The following KCNH3 variants were observed in gnomAD, a reference collection of about 807,000 sequenced individuals.
The protein encoded by KCNH3 is potassium voltage-gated channel subfamily H member 3, also known as voltage-gated inwardly rectifying potassium channel KCNH3.
KCNH3 carries 36 observed loss-of-function variants against 95.6 expected under a neutral mutation model. The observed-to-expected ratio is 0.38, with a 90% CI of 0.29 to 0.50. The LOEUF (loss-of-function observed/expected upper bound fraction) is 0.50. Ranked by LOEUF, KCNH3 falls within the 20% of genes least tolerant of loss-of-function variation. KCNH3 has a pLI of 0.95. For synonymous variants in KCNH3, 620 were observed against 646.3 expected (o/e 0.96, Z 0.62); for missense variants, 1,030 against 1,484.1 (o/e 0.69, Z 5.03).
intron 7 of KCNH3, chr12:49,546,047 A>G (rs1413192657): frequency 6.6e-6 from 1 of 151,908 alleles, no homozygotes; most frequent in African/African-American, 2.4e-5. Context: ...TGAGACACCA[A>G]ATCCCTAGGT....
In KCNH3 at chr12:49,557,089, G is replaced by A. The variant is rs936845314; in HGVS notation, c.2576-94G>A. ...GATCCTAGGAGTCAGGTCCTACCAGGTCAATGTGCTCTAACTGGGGCAAGG... is the reference window on the plus strand; with the variant it reads ...GATCCTAGGAGTCAGGTCCTACCAGATCAATGTGCTCTAACTGGGGCAAGG... On this transcript the variant is annotated intron_variant, in intron 13 of 14. Coordinates refer to ENST00000257981, the MANE Select transcript of KCNH3 (RefSeq NM_012284.3). 2.7e-5 allele frequency: 33 copies of A among 1,215,816 alleles called. 1 individual carries two copies. The South Asian group carries it at 3.8e-4, about 14-fold the overall frequency. The allele number at this position is 1,215,816 out of a possible 1,614,324, so 75.3% of individuals were successfully genotyped here.
In KCNH3 at chr12:49,543,275, G is replaced by A. The variant is rs199585532; in HGVS notation, c.580G>A (p.Gly194Arg). The A allele has an allele frequency of 1.9e-6, 3 of 1,613,190 alleles. No individual in the cohort carries two copies. Among genetic ancestry groups the A allele is most frequent in the African/African-American group, 2.7e-5 (2 of 74,932 alleles). The change falls in exon 5 of 15, where the codon GGG becomes AGG. Residue 194 changes from glycine to arginine, a missense_variant and splice_region_variant. Around this residue, in one of 9 missense-constraint regions of KCNH3, gnomAD observed 92 missense variants for 92.7 expected, o/e 0.99. Transcript: ENST00000257981. Reference sequence around the variant, plus strand: ...CCTGGACCTGCCCTGCCTCACTCAGGGGGTGTTTGGGGAGAAACCAAACTT... The same window carrying A: ...CCTGGACCTGCCCTGCCTCACTCAGAGGGTGTTTGGGGAGAAACCAAACTT... ...QPKGKHKLNK[G>R]VFGEKPNLPE...
intron 7 of KCNH3, among the ~76,000 whole-genome samples, chr12:49,548,129 T>C (rs1210732906): frequency 1.5e-4 from 20 of 134,978 alleles, no homozygotes; most frequent in East Asian, 6.1e-4. Context: ...TGTGTGTGTG[T>C]GTGTGCGCGC....
At position 49,557,650 on chromosome 12, in the gene KCNH3, G is replaced by A. The variant is rs1162128414; in HGVS notation, c.2949G>A (p.Gln983=). ...GGCCCTGGGGTCCCCCAGCGTCTCA[G>A]AGCTCCCCCTGGCCTCGAGCCACAG... ...APWPWGPPAS[Q]SSPWPRATAF... The change falls in exon 15 of 15, where the codon CAG becomes CAA. Residue 983 remains glutamine (Q), a synonymous_variant. Transcript: ENST00000257981. 1 of 1,613,530 alleles carries A rather than the reference G, an allele frequency of 6.2e-7. No homozygotes were observed. Among genetic ancestry groups the A allele is most frequent in the Non-Finnish European group, 8.5e-7 (1 of 1,179,924 alleles).
intron 9 of KCNH3, 37 bp from the exon 10 acceptor site, chr12:49,550,043 T>TGGCCCCCCCCCC: frequency 7.7e-7 from 1 of 1,299,542 alleles, no homozygotes; most frequent in Non-Finnish European, 1.1e-6. Context: ...CTTCTGCCAC[T>TGGCCCCCCCCCC]CCCAACCCCC....
Position 49,557,802 on chromosome 12 carries a change from G to T in KCNH3, c.3101G>T (p.Ser1034Ile). ...GARTGPAEPV[S>I]QAEATSTGEP... The stretch of plus-strand genomic sequence containing the variant: ...AGGACTGGGCCCGCAGAGCCTGTGA[G>T]CCAGGCTGAGGCTACCAGCACTGGA... Residue 1034 changes from serine to isoleucine, a missense_variant, in exon 15 of 15, where the codon AGC becomes ATC. By Grantham distance (142) the Ser-to-Ile change is moderately radical (BLOSUM62 -2). Transcript: ENST00000257981. 6.2e-7 allele frequency: 1 copy of T among 1,605,600 alleles called. No homozygotes were observed. Among genetic ancestry groups the T allele is most frequent in the South Asian group, 1.1e-5 (1 of 90,790 alleles).
chr12:49,551,209 A>T (rs1428157767), intron 10 of KCNH3, among the ~76,000 whole-genome samples: 1 of 152,150 alleles, frequency 6.6e-6, no homozygotes, highest in African/African-American at 2.4e-5. Context: ...GGAGGGTTGG[A>T]CCTGCACTCT....
rs767433111 is a variant in KCNH3, at chr12:49,544,206, G to A, written c.1013G>A (p.Arg338His). Reference protein sequence around the residue: ...YFGAHLLKTVRLLRLLRLLPR... With the variant: ...YFGAHLLKTVHLLRLLRLLPR... ...GGGGCCCATCTGCTGAAGACGGTGC[G>A]CCTGCTGCGCCTGCTGCGCCTGCTT... is the stretch of plus-strand genomic sequence containing the variant. Residue 338 changes from arginine (R) to histidine (H), a missense_variant, in exon 7 of 15, where the codon CGC becomes CAC. This residue lies in a region of KCNH3 where 153 missense variants were observed against 288.5 expected (regional missense o/e 0.53). Coordinates refer to ENST00000257981, the MANE Select transcript of KCNH3 (RefSeq NM_012284.3). 3.8e-6 allele frequency: 6 copies of A among 1,580,208 alleles called. No individual in the cohort carries two copies. The highest frequency in any genetic ancestry group is 1.3e-5 in the African/African-American group (1 of 74,200).
At position 49,554,386 on chromosome 12, in the gene KCNH3, A is replaced by T; in HGVS notation, c.1968A>T (p.Val656=). 1.2e-6 allele frequency: 2 copies of T among 1,613,322 alleles called. No homozygotes were observed. Among genetic ancestry groups the T allele is most frequent in the Non-Finnish European group, 8.5e-7 (1 of 1,180,028 alleles). ...GCELPRREQV[V]KANADVKGLT... is the part of the protein sequence containing the mutation. ...AGCTGCCCCGGCGGGAGCAGGTGGT[A>T]AAGGCCAATGCCGACGTGAAGGGGC... Residue 656 remains valine (V), a synonymous_variant, in exon 11 of 15, where the codon GTA becomes GTT. Transcript: ENST00000257981.
At chr12:49,546,894 A>G (rs1938081072) in intron 7 of KCNH3, among the ~76,000 whole-genome samples, 1 of 152,064 alleles carries the variant, frequency 6.6e-6, no homozygotes, top group Non-Finnish European at 1.5e-5. Flanking sequence ...TACGTACTCC[A>G]ATTTTATTTT....
At chr12:49,557,107 G>A in intron 13 of KCNH3, 76 bp from the exon 14 acceptor site, 1 of 1,389,010 alleles carries the variant, frequency 7.2e-7, no homozygotes, top group Non-Finnish European at 1.0e-6. Flanking sequence ...GCTCTAACTG[G>A]GGCAAGGCCT....
Position 49,549,423 on chromosome 12 carries a change from CTCG to C in KCNH3, c.1469-15_1469-13del, listed in dbSNP as rs1336556278. 6.8e-6 allele frequency: 11 copies of C among 1,611,984 alleles called. No individual in the cohort carries two copies. The African/African-American group carries it at 1.1e-4, about 16-fold the overall frequency. On this transcript the variant is annotated splice_polypyrimidine_tract_variant and intron_variant, in intron 8 of 14. Transcript: ENST00000257981. ...GGCCAGGTCCCCTAGGTGACCCCCT[CTCG>C]TCACCCTCCCCCAGCCCTGATGCAC...
At position 49,554,330 on chromosome 12, in the gene KCNH3, T is replaced by C. The variant is rs934812168; in HGVS notation, c.1919-7T>C. 5.0e-6 allele frequency: 8 copies of C among 1,612,404 alleles called. No individual in the cohort carries two copies. The highest frequency in any genetic ancestry group is 6.8e-6 in the Non-Finnish European group (8 of 1,179,306). Reference sequence around the variant, plus strand: ...AGGGCTTGCTGACCTCTACTTCCTCTCCCCAGGGAAGGGCGACCTGATCGG... The same window carrying C: ...AGGGCTTGCTGACCTCTACTTCCTCCCCCCAGGGAAGGGCGACCTGATCGG... On this transcript the variant is annotated splice_polypyrimidine_tract_variant and splice_region_variant and intron_variant, in intron 10 of 14. Transcript: ENST00000257981.
intron 11 of KCNH3, among the ~76,000 whole-genome samples, chr12:49,555,206 T>C (rs567582028): frequency 6.7e-6 from 1 of 149,640 alleles, no homozygotes; most frequent in Non-Finnish European, 1.5e-5. Context: ...TTTGGGAGGC[T>C]GAGGCGGGTG....
rs758612961 is a variant in KCNH3, at chr12:49,544,228, G to A, written c.1035G>A (p.Leu345=). The A allele has an allele frequency of 1.9e-6, 3 of 1,594,410 alleles. No individual in the cohort carries two copies. In the South Asian group the frequency reaches 3.4e-5, roughly 18 times the overall value. The part of the protein sequence containing the change: ...KTVRLLRLLR[L]LPRLDRYSQY... Reference sequence around the variant, plus strand: ...TGCGCCTGCTGCGCCTGCTGCGCCTGCTTCCGCGGCTGGACCGGTACTCGC... The same window carrying A: ...TGCGCCTGCTGCGCCTGCTGCGCCTACTTCCGCGGCTGGACCGGTACTCGC... The change falls in exon 7 of 15, where the codon CTG becomes CTA. Residue 345 remains leucine, a synonymous_variant. Transcript: ENST00000257981.
chr12:49,545,238 C>G lies in KCNH3; in HGVS notation c.1189+856C>G, dbSNP rs184617352. Reference sequence around the variant, plus strand: ...TATTCCACTGACACCGAGTGAGCATCTCAACTTCCACCCTTTCTCTAGCCA... The same window carrying G: ...TATTCCACTGACACCGAGTGAGCATGTCAACTTCCACCCTTTCTCTAGCCA... On this transcript the variant is annotated intron_variant, in intron 7 of 14. Coordinates refer to ENST00000257981, the MANE Select transcript of KCNH3 (RefSeq NM_012284.3). Among the ~76,000 whole-genome samples the G allele has an allele frequency of 4.5e-3, 692 of 152,150 alleles. 1 individual carries two copies. Among genetic ancestry groups the G allele is most frequent in the African/African-American group, 0.016 (670 of 41,524 alleles).
intron 7 of KCNH3, among the ~76,000 whole-genome samples, chr12:49,545,778 A>T (rs1938041912): frequency 1.3e-5 from 2 of 152,012 alleles, no homozygotes; most frequent in South Asian, 4.2e-4. Flanking sequence ...GTTTCCTGGG[A>T]ACTACAAGGC....
intron 3 of KCNH3, 111 bp downstream of exon 3, chr12:49,541,875 TC>T: frequency 8.5e-7 from 1 of 1,175,468 alleles, no homozygotes; most frequent in Non-Finnish European, 1.2e-6. Context: ...TTCATTTCAC[TC>T]CCACTCAGGC....
In KCNH3 at chr12:49,554,569, T is replaced by A; in HGVS notation, c.2136+15T>A. ...GCTCTGCAGAGGTGAGTGTGCTGAGTATGTGCTTGGAGGGGATGGGGGTGC... is the reference window on the plus strand; with the variant it reads ...GCTCTGCAGAGGTGAGTGTGCTGAGAATGTGCTTGGAGGGGATGGGGGTGC... On this transcript the variant is annotated intron_variant, in intron 11 of 14. Coordinates refer to ENST00000257981, the MANE Select transcript of KCNH3 (RefSeq NM_012284.3). 1 of 1,601,364 alleles carries A rather than the reference T, an allele frequency of 6.2e-7. No homozygotes were observed. The highest frequency in any genetic ancestry group is 1.3e-5 in the African/African-American group (1 of 74,740).
Sources: allele counts gnomAD v4.1 joint callset (sites outside exome capture counted in the v4.1 genomes callset), GRCh38; gene constraint gnomAD v4.1.1; regional missense constraint gnomAD v4.1.1; transcripts MANE v1.5; gene names NCBI Gene and HGNC (gene_info 2026-07-23, HGNC 2026-07-21).